Variants in STK3 observed in about 807,000 individuals in gnomAD.
The protein encoded by STK3 is serine/threonine kinase 3.
In STK3, 41 loss-of-function variants were observed where a neutral mutation model predicts 58.0. That is an observed-to-expected ratio of 0.71 (90% CI 0.55 to 0.92). The LOEUF is 0.92. STK3 is among the 40% of genes least tolerant of loss of function. STK3 has a pLI of 0.00. For synonymous variants in STK3, 170 were observed against 191.0 expected, an observed-to-expected ratio of 0.89 and a Z score of 0.91; for missense variants, 479 against 602.7, an observed-to-expected ratio of 0.79 and a Z score of 2.15.
intron 6 of STK3, among the ~76,000 whole-genome samples, chr8:98,703,734 C>T (rs1275690290): frequency 6.6e-6 from 1 of 152,088 alleles, no homozygotes; most frequent in Non-Finnish European, 1.5e-5. Context: ...CCAAACCCTC[C>T]ATATCAAGGC....
chr8:98,869,074 G>GGAAGGAAGGAAA (rs1564072424), intron 3 of STK3, among the ~76,000 whole-genome samples: 4 of 130,466 alleles, frequency 3.1e-5, no homozygotes, highest in African/African-American at 1.2e-4. Flanking sequence ...AAGGAAGGAA[G>GGAAGGAAGGAAA]GAAGGAAGGA....
At chr8:98,350,160 A>G in the STK3 span, among the ~76,000 whole-genome samples, 2 of 152,148 alleles carry the variant, frequency 1.3e-5, no homozygotes, top group African/African-American at 4.8e-5. Flanking sequence ...CTGCTTAGAA[A>G]TTTCTTCTGC....
intron 9 of STK3, among the ~76,000 whole-genome samples, chr8:98,543,010 C>A (rs979789158): frequency 6.6e-6 from 1 of 152,168 alleles, no homozygotes; most frequent in African/African-American, 2.4e-5. Context: ...AAAGCACACG[C>A]TCACAATAAA....
chr8:98,753,215 T>C (rs952717622), intron 3 of STK3, among the ~76,000 whole-genome samples: 3 of 152,216 alleles, frequency 2.0e-5, no homozygotes, highest in East Asian at 1.9e-4. Context: ...AGACATGGCA[T>C]CAACCTAAAT....
chr8:98,496,327 G>C (rs968423983), intron 10 of STK3, among the ~76,000 whole-genome samples: 7 of 151,996 alleles, frequency 4.6e-5, no homozygotes, highest in African/African-American at 1.7e-4. Flanking sequence ...CAGGATACAA[G>C]ATCAATATAT....
At chr8:98,728,466 C>A (rs1183505019) in intron 4 of STK3, among the ~76,000 whole-genome samples, 1 of 152,100 alleles carries the variant, frequency 6.6e-6, no homozygotes, top group South Asian at 2.1e-4. Flanking sequence ...ACTAGTGATT[C>A]AAAATGAAAG....
At chr8:98,474,428 AC>A (rs2131242430) in intron 10 of STK3, among the ~76,000 whole-genome samples, 1 of 152,096 alleles carries the variant, frequency 6.6e-6, no homozygotes, top group South Asian at 2.1e-4. Flanking sequence ...AGCTTGTGCT[AC>A]TCTAGCCATT....
At chr8:98,513,246 A>C (rs1824658826) in intron 10 of STK3, among the ~76,000 whole-genome samples, 1 of 152,166 alleles carries the variant, frequency 6.6e-6, no homozygotes, top group Non-Finnish European at 1.5e-5. Flanking sequence ...GAGTTTACTC[A>C]GAGGTTGAAT....
chr8:98,650,380 C>T (rs893803755), intron 6 of STK3, among the ~76,000 whole-genome samples: 2 of 152,228 alleles, frequency 1.3e-5, no homozygotes, highest in African/African-American at 4.8e-5. Flanking sequence ...CGAATAGGAA[C>T]AACTCTGGTC....
At chr8:98,459,806 C>T (rs1025193057) in intron 10 of STK3, among the ~76,000 whole-genome samples, 4 of 152,204 alleles carry the variant, frequency 2.6e-5, no homozygotes, top group Non-Finnish European at 4.4e-5. Context: ...TGCGAGTGCA[C>T]AGAAGTCAAG....
rs555778797 is a variant in STK3 at position 98,516,336 on chromosome 8, T to TA, written c.1317+10405dup. On this transcript the variant is annotated intron_variant, in intron 10 of 10. Coordinates refer to ENST00000419617, the MANE Select transcript of STK3 (RefSeq NM_006281.4). ...GGTTGACTAATTCTGGAAAATTCTT[T>TA]AAAAAATGACAACAAAAAAGATGAA... Among the ~76,000 whole-genome samples, 5 of 152,160 alleles carry TA rather than the reference T, an allele frequency of 3.3e-5. No individual in the cohort carries two copies. In the South Asian group the frequency reaches 1.0e-3, roughly 32 times the overall value.
intron 1 of STK3, among the ~76,000 whole-genome samples, chr8:98,786,513 A>G (rs2131555158): frequency 6.6e-6 from 1 of 152,342 alleles, no homozygotes; most frequent in African/African-American, 2.4e-5. Context: ...ACATCACTGC[A>G]AAACAGATGA....
chr8:98,524,210 A>T (rs961913117), intron 10 of STK3, among the ~76,000 whole-genome samples: 2 of 152,236 alleles, frequency 1.3e-5, no homozygotes, highest in Non-Finnish European at 2.9e-5. Context: ...ATTGGTCTAC[A>T]TGTCTGTCTT....
chr8:98,929,698 T>C (rs1286695743), intron 1 of STK3, among the ~76,000 whole-genome samples: 1 of 152,192 alleles, frequency 6.6e-6, no homozygotes, highest in Non-Finnish European at 1.5e-5. Flanking sequence ...TACAATTAAA[T>C]TGTGCCAGCC....
intron 7 of STK3, among the ~76,000 whole-genome samples, chr8:98,594,178 G>A (rs552066011): frequency 6.6e-6 from 1 of 152,212 alleles, no homozygotes; most frequent in East Asian, 1.9e-4. Flanking sequence ...GTGGTGGCAT[G>A]CATCTGTAGT....
At chr8:98,478,619 A>C (rs748467597) in intron 10 of STK3, among the ~76,000 whole-genome samples, 1 of 152,220 alleles carries the variant, frequency 6.6e-6, no homozygotes, top group Non-Finnish European at 1.5e-5. Flanking sequence ...TTTTCTGCCT[A>C]GCCATTTATA....
In STK3 at chr8:98,925,381, C is replaced by T. The variant is rs990314586; in HGVS notation, c.-79+16997G>A. On this transcript the variant is annotated intron_variant, in intron 1 of 1. Transcript: ENST00000519420. ...ATTACTGAAAATCTAAAGAGAGATA[C>T]GTGACTATTCTGCAACAAGTTCCTT... is the stretch of plus-strand genomic sequence containing the variant. Among the ~76,000 whole-genome samples, 9 of 152,330 alleles carry T rather than the reference C, an allele frequency of 5.9e-5. 1 individual carries two copies. Among genetic ancestry groups the T allele is most frequent in the African/African-American group, 4.8e-5 (2 of 41,576 alleles).
chr8:98,521,316 T>G (rs1168538813), intron 10 of STK3, among the ~76,000 whole-genome samples: 1 of 152,182 alleles, frequency 6.6e-6, no homozygotes, highest in Non-Finnish European at 1.5e-5. Flanking sequence ...CTTTATTATT[T>G]TTTTTTGGTA....
At chr8:98,662,032 C>T (rs903648871) in intron 6 of STK3, among the ~76,000 whole-genome samples, 2 of 151,986 alleles carry the variant, frequency 1.3e-5, no homozygotes, top group Non-Finnish European at 2.9e-5. Flanking sequence ...AGATTGTTTC[C>T]TTACTCCTAT....
Sources: allele counts gnomAD v4.1 joint callset (sites outside exome capture counted in the v4.1 genomes callset), GRCh38; gene constraint gnomAD v4.1.1; transcripts MANE v1.5; gene names NCBI Gene and HGNC (gene_info 2026-07-23, HGNC 2026-07-21).